The following EYA3 variants were observed in gnomAD, a reference collection of about 807,000 sequenced individuals.
The protein encoded by EYA3 is EYA transcriptional coactivator and phosphatase 3, also known as protein phosphatase EYA3.
Under a neutral mutation model 80.0 loss-of-function variants are expected in EYA3, and 39 were observed. The ratio of observed to expected loss-of-function variants is 0.49; its 90% CI spans 0.38 to 0.64. The LOEUF (loss-of-function observed/expected upper bound fraction) is 0.64. Ranked by LOEUF, EYA3 falls within the 30% of genes least tolerant of loss-of-function variation. The pLI, the probability that EYA3 is intolerant of heterozygous loss-of-function variation, is 0.00. For missense variants in EYA3, 523 were observed against 676.1 expected (o/e 0.77, Z 2.51); for synonymous variants, 206 against 232.8 (o/e 0.88, Z 1.05).
intron 16 of EYA3, among the ~76,000 whole-genome samples, chr1:27,982,479 AT>A (rs1413891849): frequency 2.0e-5 from 3 of 151,330 alleles, no homozygotes; most frequent in African/African-American, 7.3e-5. Flanking sequence ...AAAAAAAAAA[AT>A]CAAGACATTA....
At chr1:28,042,738 C>T in intron 3 of EYA3, 88 bp from the exon 4 acceptor site, 2 of 1,014,208 alleles carry the variant, frequency 2.0e-6, no homozygotes, top group Non-Finnish European at 3.1e-6. Context: ...TCCTCCTAGG[C>T]TATATAAGTA....
intron 1 of EYA3, among the ~76,000 whole-genome samples, chr1:28,062,335 A>G (rs1038324601): frequency 6.6e-5 from 10 of 152,204 alleles, no homozygotes; most frequent in Non-Finnish European, 8.8e-5. Flanking sequence ...CAGTGAAAAA[A>G]TAGAAACTTT....
At chr1:28,031,209 A>G (rs1643119879) in intron 6 of EYA3, among the ~76,000 whole-genome samples, 1 of 152,208 alleles carries the variant, frequency 6.6e-6, no homozygotes, top group Admixed American at 6.5e-5. Context: ...ATAAAAAACA[A>G]TACAGACAGT....
At chr1:28,079,536 G>T (rs12144063) in intron 1 of EYA3, among the ~76,000 whole-genome samples, 50,994 of 151,954 alleles carry the variant, frequency 0.34, 8,708 homozygotes, top group East Asian at 0.5. Flanking sequence ...CCTAAACTTT[G>T]GACTGTTAGA....
At chr1:28,059,046 G>C (rs1644526897) in intron 1 of EYA3, among the ~76,000 whole-genome samples, 1 of 152,072 alleles carries the variant, frequency 6.6e-6, no homozygotes, top group Non-Finnish European at 1.5e-5. Flanking sequence ...GCTAAAGTAA[G>C]TATATAATCT....
rs778542404 is a variant in EYA3, at chr1:28,081,873, A to G, written c.-69+6651T>C. 3.3e-4 allele frequency among the ~76,000 whole-genome samples: 50 copies of G among 152,216 alleles called. 1 individual carries two copies. The highest frequency in any genetic ancestry group is 6.8e-4 in the Non-Finnish European group (46 of 68,016). ...CAATATTAAATTTCAGGTGAAAGAAAACTATTGAAATGTTTAAATACACTG... is the reference window on the plus strand; with the variant it reads ...CAATATTAAATTTCAGGTGAAAGAAGACTATTGAAATGTTTAAATACACTG... On this transcript the variant is annotated intron_variant, in intron 1 of 17. Coordinates refer to ENST00000373871, the MANE Select transcript of EYA3 (RefSeq NM_001990.4).
chr1:28,059,217 A>G (rs1252817695), intron 1 of EYA3, among the ~76,000 whole-genome samples: 1 of 152,210 alleles, frequency 6.6e-6, no homozygotes, highest in East Asian at 1.9e-4. Flanking sequence ...AAACACACAT[A>G]AGGTTACAAT....
At chr1:28,050,196 A>ATTG (rs1438175124) in intron 2 of EYA3, among the ~76,000 whole-genome samples, 2 of 121,942 alleles carry the variant, frequency 1.6e-5, no homozygotes, top group African/African-American at 6.8e-5. Context: ...TATTATTATT[A>ATTG]TTATTATTTT....
At chr1:28,007,867 T>C (rs1452084137) in intron 10 of EYA3, among the ~76,000 whole-genome samples, 2 of 152,038 alleles carry the variant, frequency 1.3e-5, no homozygotes, top group East Asian at 3.9e-4. Flanking sequence ...CCAATAGTAG[T>C]TTTTTAAAAA....
chr1:28,041,294 G>T (rs967963335), intron 4 of EYA3, among the ~76,000 whole-genome samples: 5 of 152,188 alleles, frequency 3.3e-5, no homozygotes, highest in African/African-American at 1.2e-4. Context: ...AACCTGGGAG[G>T]CAGAGGTTGC....
At position 28,036,587 on chromosome 1, in the gene EYA3, T is replaced by C. The variant is rs546105431; in HGVS notation, c.225-907A>G. Reference sequence around the variant, plus strand: ...CTGGGAAGTTCCAGACAGGACTCAATCTCCTCAATGATATTTAAGTCAGGG... The same window carrying C: ...CTGGGAAGTTCCAGACAGGACTCAACCTCCTCAATGATATTTAAGTCAGGG... On this transcript the variant is annotated intron_variant, in intron 5 of 17. Transcript: ENST00000373871. Among the ~76,000 whole-genome samples, 96 of 152,230 alleles carry C rather than the reference T, an allele frequency of 6.3e-4. 4 individuals are homozygous for C. The South Asian group carries it at 0.019, about 31-fold the overall frequency.
rs988037671 is a variant in EYA3 at position 27,971,188 on chromosome 1, G to T, written c.*3278C>A. The T allele has an allele frequency of 6.6e-6, 1 of 152,300 alleles. No individual in the cohort carries two copies. Among genetic ancestry groups the T allele is most frequent in the Non-Finnish European group, 1.5e-5 (1 of 68,140 alleles). 9.4% of individuals were successfully genotyped at this position (152,300 alleles called of 1,614,324 possible). On this transcript the variant is annotated 3_prime_UTR_variant, in exon 18 of 18. Transcript: ENST00000373871. ...CTGGACAGGGTGATGCTAAGGCACA[G>T]TCAGTTTTACATTCGAAAGTCAAGC...
At chr1:27,977,356 A>C in intron 17 of EYA3, 1 of 1,550,570 alleles carries the variant, frequency 6.4e-7, no homozygotes, top group Non-Finnish European at 8.7e-7. Context: ...TCTAGCTGGC[A>C]ACCCAATGCC....
intron 1 of EYA3, among the ~76,000 whole-genome samples, chr1:28,062,109 G>A (rs1043894068): frequency 2.6e-5 from 4 of 152,104 alleles, no homozygotes; most frequent in African/African-American, 9.7e-5. Context: ...AATCTTTTAA[G>A]TACCTTTAGA....
Position 27,970,375 on chromosome 1 carries a change from T to C in EYA3, c.*4091A>G, listed in dbSNP as rs1257629757. On this transcript the variant is annotated 3_prime_UTR_variant, in exon 18 of 18. Transcript: ENST00000373871. ...AAATAAAAACTTTATTTTTTTCAAG[T>C]TTATAAGATAGTTCCCATTACATAT... The C allele has an allele frequency of 6.6e-6, 1 of 152,088 alleles. No individual in the cohort carries two copies. The highest frequency in any genetic ancestry group is 1.5e-5 in the Non-Finnish European group (1 of 68,026). 9.4% of individuals were successfully genotyped at this position (152,088 alleles called of 1,614,324 possible).
chr1:28,020,209 T>C (rs1212966010), intron 7 of EYA3, among the ~76,000 whole-genome samples: 1 of 152,208 alleles, frequency 6.6e-6, no homozygotes, highest in Non-Finnish European at 1.5e-5. Flanking sequence ...TTTAATGGCT[T>C]GATTAGCTAG....
At chr1:28,079,743 GAATC>G (rs1645353376) in intron 1 of EYA3, among the ~76,000 whole-genome samples, 1 of 151,906 alleles carries the variant, frequency 6.6e-6, no homozygotes, top group African/African-American at 2.4e-5. Flanking sequence ...AAGTTTTACA[GAATC>G]CATCCACGTA....
At chr1:28,081,253 C>T (rs564944492) in intron 1 of EYA3, among the ~76,000 whole-genome samples, 1 of 152,138 alleles carries the variant, frequency 6.6e-6, no homozygotes, top group African/African-American at 2.4e-5. Context: ...ATTAAATGCC[C>T]CACTAAATAT....
intron 12 of EYA3, among the ~76,000 whole-genome samples, chr1:27,999,049 A>C (rs955760659): frequency 6.6e-6 from 1 of 152,200 alleles, no homozygotes; most frequent in Non-Finnish European, 1.5e-5. Context: ...GATTACAGGC[A>C]TGAGCCACCA....
Sources: gnomAD v4.1 joint callset for allele counts (sites outside exome capture counted in the v4.1 genomes callset) on GRCh38, gnomAD v4.1.1 for gene constraint, MANE v1.5 for transcripts, NCBI Gene and HGNC (gene_info 2026-07-23, HGNC 2026-07-21) for gene names.